The following ACER3 variants were observed in gnomAD, a reference collection of about 807,000 sequenced individuals.
ACER3 encodes the protein alkCDase 3.
A neutral mutation model predicts 48.9 loss-of-function variants in ACER3; 16 were observed. The observed-to-expected ratio is 0.33, with a 90% CI of 0.22 to 0.50. The LOEUF (loss-of-function observed/expected upper bound fraction) is 0.50, where lower values mean the gene tolerates loss of function less well. Ranked by LOEUF, ACER3 falls within the 20% of genes least tolerant of loss-of-function variation. ACER3 has a pLI of 0.98. For synonymous variants in ACER3, 109 were observed against 107.8 expected (o/e 1.01, Z -0.07); for missense variants, 227 against 326.0 (o/e 0.70, Z 2.34).
intron 1 of ACER3, among the ~76,000 whole-genome samples, chr11:76,914,473 T>C (rs1005831809): frequency 6.6e-6 from 1 of 152,072 alleles, no homozygotes; most frequent in Non-Finnish European, 1.5e-5. Context: ...ATCAGAGAAA[T>C]GCAAATCAAA....
intron 1 of ACER3, among the ~76,000 whole-genome samples, chr11:76,868,776 C>G (rs937893789): frequency 1.3e-5 from 2 of 152,168 alleles, no homozygotes; most frequent in Middle Eastern, 3.2e-3. Flanking sequence ...CATGGTTGTT[C>G]ATGCTTCAAT....
At chr11:76,988,046 G>A (rs1948720218) in intron 5 of ACER3, among the ~76,000 whole-genome samples, 1 of 152,250 alleles carries the variant, frequency 6.6e-6, no homozygotes, top group African/African-American at 2.4e-5. Context: ...AATTAGGGAT[G>A]TAAGAAAGCT....
At chr11:76,935,339 A>G (rs1201875665) in intron 2 of ACER3, among the ~76,000 whole-genome samples, 1 of 152,172 alleles carries the variant, frequency 6.6e-6, no homozygotes, top group Non-Finnish European at 1.5e-5. Context: ...ATTATAATTC[A>G]AGACAACTTT....
chr11:76,999,166 A>G (rs781961593), intron 7 of ACER3, among the ~76,000 whole-genome samples: 3 of 152,124 alleles, frequency 2.0e-5, no homozygotes, highest in Admixed American at 6.5e-5. Flanking sequence ...TCTTAAACCT[A>G]CTTGACTAGG....
At position 77,023,710 on chromosome 11, in the gene ACER3, A is replaced by C. The variant is rs1555024997; in HGVS notation, c.*3383A>C. ...CCATTTTGCATCCTGTCAGTGCTATAATTAGTTTGATCACTTTGTCTTGTT... is the reference window on the plus strand; with the variant it reads ...CCATTTTGCATCCTGTCAGTGCTATCATTAGTTTGATCACTTTGTCTTGTT... On this transcript the variant is annotated 3_prime_UTR_variant, in exon 11 of 11. Transcript: ENST00000532485. 1 of 152,490 alleles carries C rather than the reference A, an allele frequency of 6.6e-6. No homozygotes were observed. 9.4% of individuals were successfully genotyped at this position (152,490 alleles called of 1,614,324 possible).
rs10565723 is a variant in ACER3 at position 77,022,868 on chromosome 11, C to CAAAAAA, written c.*2560_*2565dup. 87 of 281,660 alleles carry CAAAAAA rather than the reference C, an allele frequency of 3.1e-4. No individual in the cohort carries two copies. The highest frequency in any genetic ancestry group is 1.5e-3 in the African/African-American group (62 of 41,772). 17.4% of individuals were successfully genotyped at this position (281,660 alleles called of 1,614,324 possible). Reference sequence around the variant, plus strand: ...ATGGTGGCAGAGCGAGACTCCGTCTCAAAAAAAAAAAAAAAAAAAAAAAAG... The same window carrying CAAAAAA: ...ATGGTGGCAGAGCGAGACTCCGTCTCAAAAAAAAAAAAAAAAAAAAAAAAAAAAAAG... On this transcript the variant is annotated 3_prime_UTR_variant, in exon 11 of 11. Transcript: ENST00000532485.
chr11:76,974,445 G>GA (rs368013561), intron 3 of ACER3, among the ~76,000 whole-genome samples: 13 of 152,074 alleles, frequency 8.5e-5, no homozygotes, highest in African/African-American at 2.9e-4. Flanking sequence ...TTACTAAAAA[G>GA]AAAAAAATCT....
In ACER3 at chr11:77,025,412, T is replaced by TATATATATATATATATATATA. The variant is rs575045221; in HGVS notation, c.*5085_*5086insATATATATATATATATATATA. 3.1e-3 allele frequency: 213 copies of TATATATATATATATATATATA among 69,056 alleles called. 2 individuals are homozygous for TATATATATATATATATATATA. Among genetic ancestry groups the TATATATATATATATATATATA allele is most frequent in the African/African-American group, 8.5e-3 (198 of 23,298 alleles). The allele number at this position is 69,056 out of a possible 1,614,324, so 4.3% of individuals were successfully genotyped here. A position where few individuals can be genotyped will look rare whatever the true frequency, so the allele number is the denominator to read the frequency against. On this transcript the variant is annotated 3_prime_UTR_variant, in exon 11 of 11. Coordinates refer to ENST00000532485, the MANE Select transcript of ACER3 (RefSeq NM_018367.7). ...ATTCTTTATATATATATATATATATTTATTTATTTTTTTGAGACAGAGTCT... is the reference window on the plus strand; with the variant it reads ...ATTCTTTATATATATATATATATATTATATATATATATATATATATATATTTATTTTTTTGAGACAGAGTCT...
At chr11:76,959,784 C>T (rs1326379610) in intron 3 of ACER3, among the ~76,000 whole-genome samples, 3 of 151,906 alleles carry the variant, frequency 2.0e-5, no homozygotes, top group Admixed American at 6.6e-5. Context: ...GAACTCCTGA[C>T]CTCAGGTGAT....
At chr11:76,937,707 G>A (rs1947227709) in intron 2 of ACER3, among the ~76,000 whole-genome samples, 1 of 152,088 alleles carries the variant, frequency 6.6e-6, no homozygotes, top group South Asian at 2.1e-4. Flanking sequence ...TACTGCAGGG[G>A]GTGGATAGAA....
chr11:76,953,961 T>A (rs1947761154), intron 2 of ACER3, among the ~76,000 whole-genome samples: 1 of 151,672 alleles, frequency 6.6e-6, no homozygotes, highest in South Asian at 2.1e-4. Context: ...TTTTTTTTTT[T>A]TTTGAGATGG....
intron 1 of ACER3, among the ~76,000 whole-genome samples, chr11:76,887,994 C>T (rs774124900): frequency 6.6e-6 from 1 of 151,578 alleles, no homozygotes; most frequent in Non-Finnish European, 1.5e-5. Context: ...GTTTTTGTAT[C>T]TTCTGTAGAG....
chr11:77,000,535 A>G (rs1199662257), intron 7 of ACER3, among the ~76,000 whole-genome samples: 2 of 152,188 alleles, frequency 1.3e-5, no homozygotes, highest in Middle Eastern at 3.2e-3. Flanking sequence ...AAAAGACTGT[A>G]TAGTTTTACA....
chr11:76,956,635 G>A (rs1174020547), intron 2 of ACER3, among the ~76,000 whole-genome samples: 1 of 150,174 alleles, frequency 6.7e-6, no homozygotes, highest in Non-Finnish European at 1.5e-5. Context: ...CCTTGAGTAA[G>A]GCATGATAAA....
At chr11:76,874,962 A>T (rs970849866) in intron 1 of ACER3, among the ~76,000 whole-genome samples, 2 of 152,112 alleles carry the variant, frequency 1.3e-5, no homozygotes, top group Non-Finnish European at 2.9e-5. Flanking sequence ...GTCATTTGTA[A>T]CTGCATTCTC....
At chr11:76,893,605 G>A (rs918049996) in intron 1 of ACER3, among the ~76,000 whole-genome samples, 3 of 152,084 alleles carry the variant, frequency 2.0e-5, no homozygotes, top group South Asian at 4.1e-4. Context: ...GAATGCTTGA[G>A]CCCAGAAGTT....
Position 76,976,441 on chromosome 11 carries a change from TTAA to T in ACER3, c.320+105_320+107del. 6.1e-6 allele frequency: 4 copies of T among 650,968 alleles called. No individual in the cohort carries two copies. In the South Asian group the frequency reaches 8.5e-5, roughly 14 times the overall value. The allele number at this position is 650,968 out of a possible 1,614,324, so 40.3% of individuals were successfully genotyped here. ...GATACATTTATATTACTAGGATATT[TTAA>T]TAATGTAGAAGATTATAAATTTTAT... On this transcript the variant is annotated intron_variant, in intron 4 of 10. Transcript: ENST00000532485.
At chr11:76,991,262 A>C (rs753117104) in intron 6 of ACER3, among the ~76,000 whole-genome samples, 1 of 152,124 alleles carries the variant, frequency 6.6e-6, no homozygotes, top group Non-Finnish European at 1.5e-5. Context: ...GATTTGTCTG[A>C]CTCCTTTTCA....
intron 1 of ACER3, among the ~76,000 whole-genome samples, chr11:76,886,725 G>T (rs992715940): frequency 6.6e-6 from 1 of 152,150 alleles, no homozygotes; most frequent in South Asian, 2.1e-4. Flanking sequence ...CTGTGGCCCA[G>T]GCTGGAGTGC....
Sources: allele counts gnomAD v4.1 joint callset (sites outside exome capture counted in the v4.1 genomes callset), GRCh38; gene constraint gnomAD v4.1.1; transcripts MANE v1.5; gene names NCBI Gene and HGNC (gene_info 2026-07-23, HGNC 2026-07-21).